DNAH14: variants seen among roughly 807,000 people sequenced by gnomAD.
The protein encoded by DNAH14 is axonemal beta dynein heavy chain 14.
DNAH14 carries 478 observed loss-of-function variants against 520.9 expected under a neutral mutation model. The ratio of observed to expected loss-of-function variants is 0.92; its 90% CI spans 0.85 to 0.99. DNAH14 has a LOEUF of 0.99. Ranked by LOEUF, DNAH14 falls within the 50% of genes least tolerant of loss-of-function variation. The pLI is 0.00. For missense variants in DNAH14, 4,831 were observed against 5,234.5 expected (o/e 0.92, Z 2.38); for synonymous variants, 1,581 against 1,757.2 (o/e 0.90, Z 2.51).
chr1:225,292,616 T>G (rs1029164311), intron 55 of DNAH14, among the ~76,000 whole-genome samples: 1 of 152,166 alleles, frequency 6.6e-6, no homozygotes, highest in African/African-American at 2.4e-5. Flanking sequence ...TTTAGGAATT[T>G]TTTTCTATTT....
chr1:225,177,162 CT>C (rs2083427855), intron 36 of DNAH14, among the ~76,000 whole-genome samples: 2 of 152,174 alleles, frequency 1.3e-5, no homozygotes, highest in African/African-American at 4.8e-5. Context: ...AAAGGTGACT[CT>C]TGTTAAGTTT....
At chr1:225,258,206 GA>G (rs1336706961) in intron 45 of DNAH14, 88 bp downstream of exon 45, 11 of 1,194,918 alleles carry the variant, frequency 9.2e-6, no homozygotes, top group East Asian at 3.1e-5. Context: ...TTGTAAGTGG[GA>G]AAAAAATATA....
chr1:225,007,389 G>T, intron 9 of DNAH14, 24 bp from the exon 10 acceptor site: 1 of 1,480,464 alleles, frequency 6.8e-7, no homozygotes, highest in South Asian at 1.4e-5. Flanking sequence ...TTCTAACACT[G>T]AACATTTACT....
chr1:225,206,246 T>A, intron 40 of DNAH14, 67 bp downstream of exon 40: 1 of 1,300,100 alleles, frequency 7.7e-7, no homozygotes, highest in Non-Finnish European at 1.0e-6. Flanking sequence ...CTATTTATTA[T>A]TTACAGCATT....
intron 38 of DNAH14, among the ~76,000 whole-genome samples, chr1:225,196,706 C>T (rs146453677): frequency 0.11 from 16,968 of 152,128 alleles, 1,479 homozygotes; most frequent in East Asian, 0.23. Context: ...TATGGCCATT[C>T]TTGCAGGAAT....
intron 41 of DNAH14, among the ~76,000 whole-genome samples, chr1:225,211,437 A>G (rs1227580323): frequency 6.6e-6 from 1 of 150,994 alleles, no homozygotes; most frequent in Non-Finnish European, 1.5e-5. Context: ...GAAATAATGC[A>G]TTAGGATTAG....
chr1:224,954,117 G>A (rs2060353582), intron 2 of DNAH14, among the ~76,000 whole-genome samples: 2 of 151,910 alleles, frequency 1.3e-5, no homozygotes, highest in African/African-American at 4.8e-5. Flanking sequence ...AAAAAAAGGT[G>A]GGGAGGACAA....
At chr1:225,365,638 G>C (rs1243649085) in intron 76 of DNAH14, among the ~76,000 whole-genome samples, 1 of 152,078 alleles carries the variant, frequency 6.6e-6, no homozygotes, top group East Asian at 1.9e-4. Context: ...CAACATCCCG[G>C]TTCCTGGGGC....
chr1:225,205,401 G>A (rs2087416311), intron 39 of DNAH14, among the ~76,000 whole-genome samples: 1 of 152,182 alleles, frequency 6.6e-6, no homozygotes, highest in South Asian at 2.1e-4. Context: ...CAAGGAATCT[G>A]CTAGTGCCAT....
chr1:225,005,216 G>C (rs929669608), intron 9 of DNAH14, among the ~76,000 whole-genome samples: 1 of 152,198 alleles, frequency 6.6e-6, no homozygotes, highest in East Asian at 1.9e-4. Flanking sequence ...TTGTTTTATT[G>C]AGCAGTATTT....
chr1:225,057,445 T>G (rs2069280244), intron 17 of DNAH14, among the ~76,000 whole-genome samples: 2 of 152,296 alleles, frequency 1.3e-5, no homozygotes, highest in Admixed American at 1.3e-4. Flanking sequence ...CAATGGGGTT[T>G]TCTAGATATA....
intron 36 of DNAH14, among the ~76,000 whole-genome samples, chr1:225,179,467 G>A (rs188895282): frequency 6.6e-5 from 10 of 152,160 alleles, no homozygotes; most frequent in Middle Eastern, 3.4e-3. Context: ...TAATCACAAC[G>A]AAAAGAAACA....
chr1:224,974,048 G>C, intron 7 of DNAH14, 43 bp from the exon 8 acceptor site: 1 of 1,262,506 alleles, frequency 7.9e-7, no homozygotes, highest in Non-Finnish European at 1.1e-6. Flanking sequence ...ATATAAATAC[G>C]TGGTTTATGG....
At chr1:225,077,152 T>A (rs987358904) in intron 17 of DNAH14, among the ~76,000 whole-genome samples, 79 of 152,384 alleles carry the variant, frequency 5.2e-4, no homozygotes, top group African/African-American at 1.8e-3. Flanking sequence ...CAAATGCTTA[T>A]TCATTACATC....
chr1:225,052,274 A>G (rs1395594640), intron 17 of DNAH14, among the ~76,000 whole-genome samples: 1 of 152,142 alleles, frequency 6.6e-6, no homozygotes, highest in Admixed American at 6.5e-5. Context: ...CTGGGACCAC[A>G]GTGGTTTGGA....
chr1:225,318,082 GACAA>G (rs2094497541), intron 60 of DNAH14, among the ~76,000 whole-genome samples: 1 of 152,172 alleles, frequency 6.6e-6, no homozygotes, highest in African/African-American at 2.4e-5. Context: ...TAGGAAACCT[GACAA>G]ACAATGGGGC....
intron 55 of DNAH14, among the ~76,000 whole-genome samples, chr1:225,290,647 GTATATATATATA>G (rs56045354): frequency 0.093 from 5,320 of 57,504 alleles, 226 homozygotes; most frequent in African/African-American, 0.12. Context: ...GTGTGTGTGT[GTATATATATATA>G]TATATATATA....
At chr1:225,320,956 C>A (rs528114206) in intron 61 of DNAH14, among the ~76,000 whole-genome samples, 1 of 152,044 alleles carries the variant, frequency 6.6e-6, no homozygotes, top group Non-Finnish European at 1.5e-5. Context: ...ATATTCACAT[C>A]GTATTTGTTT....
chr1:225,283,875 A>G (rs962869905), intron 54 of DNAH14, among the ~76,000 whole-genome samples: 1 of 152,162 alleles, frequency 6.6e-6, no homozygotes, highest in Non-Finnish European at 1.5e-5. Flanking sequence ...GTTTCCAACA[A>G]AAGGAAAGTT....
Sources: allele counts gnomAD v4.1 joint callset (sites outside exome capture counted in the v4.1 genomes callset), GRCh38; gene constraint gnomAD v4.1.1; transcripts MANE v1.5; gene names NCBI Gene and HGNC (gene_info 2026-07-23, HGNC 2026-07-21).